RBFOX1: variants seen among roughly 807,000 people sequenced by gnomAD.
RBFOX1 encodes RNA binding fox-1 homolog 1, also known as RNA binding protein fox-1 homolog 1.
RBFOX1 carries 8 observed loss-of-function variants against 57.7 expected under a neutral mutation model. That is an observed-to-expected ratio of 0.14 (90% confidence interval 0.08 to 0.25). The LOEUF is 0.25. Ranked by LOEUF, RBFOX1 falls within the 10% of genes least tolerant of loss-of-function variation. RBFOX1 has a pLI of 1.00. For missense variants in RBFOX1, 611 were observed against 548.5 expected (o/e 1.11, Z -1.14); for synonymous variants, 326 against 222.4 (o/e 1.47, Z -4.15).
intron 4 of RBFOX1, among the ~76,000 whole-genome samples, chr16:7,323,451 A>G (rs1342159356): frequency 6.6e-6 from 1 of 152,196 alleles, no homozygotes; most frequent in Non-Finnish European, 1.5e-5. Flanking sequence ...ATTTTCTAAA[A>G]ACCCAGGCCA....
intron 4 of RBFOX1, among the ~76,000 whole-genome samples, chr16:7,241,009 A>G (rs970407779): frequency 1.3e-5 from 2 of 152,206 alleles, no homozygotes; most frequent in Non-Finnish European, 2.9e-5. Flanking sequence ...ATATACAACA[A>G]TATCTGTTCT....
intron 1 of RBFOX1, among the ~76,000 whole-genome samples, chr16:6,149,811 G>A (rs1192857440): frequency 5.3e-5 from 8 of 152,204 alleles, no homozygotes; most frequent in Non-Finnish European, 1.2e-4. Flanking sequence ...CTTATTTGGA[G>A]AACGTTTATG....
At chr16:6,836,083 G>T (rs912120906) in intron 3 of RBFOX1, among the ~76,000 whole-genome samples, 1 of 152,160 alleles carries the variant, frequency 6.6e-6, no homozygotes, top group Admixed American at 6.5e-5. Flanking sequence ...GCTACAAAAC[G>T]CCTGCTATAG....
intron 4 of RBFOX1, among the ~76,000 whole-genome samples, chr16:7,487,325 C>T (rs1021527361): frequency 6.6e-5 from 10 of 152,162 alleles, no homozygotes; most frequent in Non-Finnish European, 1.2e-4. Flanking sequence ...TCTTGCTCCA[C>T]GCCCTCATAC....
At chr16:6,366,746 G>A (rs773726554) in intron 2 of RBFOX1, among the ~76,000 whole-genome samples, 1 of 152,218 alleles carries the variant, frequency 6.6e-6, no homozygotes, top group Non-Finnish European at 1.5e-5. Context: ...GTCACAGTAA[G>A]CTGAAATGAC....
intron 4 of RBFOX1, among the ~76,000 whole-genome samples, chr16:7,417,250 G>T (rs1304269385): frequency 6.6e-6 from 1 of 151,666 alleles, no homozygotes; most frequent in African/African-American, 2.4e-5. Flanking sequence ...GTGTGTGCCT[G>T]TAACCACAGC....
intron 1 of RBFOX1, among the ~76,000 whole-genome samples, chr16:5,294,851 G>C: frequency 6.6e-6 from 1 of 151,164 alleles, no homozygotes. Flanking sequence ...GCCAACATGA[G>C]AAAACCCCAT....
intron 3 of RBFOX1, among the ~76,000 whole-genome samples, chr16:5,807,551 C>A (rs1474498819): frequency 6.6e-6 from 1 of 152,156 alleles, no homozygotes; most frequent in Non-Finnish European, 1.5e-5. Context: ...TAATAGGGCT[C>A]ATTATAGCCT....
At chr16:6,531,181 CG>C (rs914985908) in intron 2 of RBFOX1, among the ~76,000 whole-genome samples, 9 of 152,176 alleles carry the variant, frequency 5.9e-5, no homozygotes, top group African/African-American at 2.2e-4. Context: ...ACTCTGCCCC[CG>C]GTTTTTCCCA....
chr16:5,941,676 C>G (rs1220454811), intron 4 of RBFOX1, among the ~76,000 whole-genome samples: 6 of 152,014 alleles, frequency 3.9e-5, no homozygotes, highest in Non-Finnish European at 8.8e-5. Context: ...GGGCATCCCA[C>G]TTAGTCATTT....
chr16:5,628,147 T>A (rs1428863477), intron 3 of RBFOX1, among the ~76,000 whole-genome samples: 1 of 152,096 alleles, frequency 6.6e-6, no homozygotes, highest in East Asian at 1.9e-4. Flanking sequence ...TGGCTCACAG[T>A]TTAGTGTCTG....
chr16:6,294,283 T>C (rs546467939), intron 1 of RBFOX1, among the ~76,000 whole-genome samples: 11 of 152,324 alleles, frequency 7.2e-5, no homozygotes, highest in Non-Finnish European at 1.5e-4. Flanking sequence ...CACAGACTCT[T>C]CCTGAAGGAA....
At chr16:6,278,377 CAAAAAAAAAAAAAAA>C (rs57523660) in intron 1 of RBFOX1, among the ~76,000 whole-genome samples, 415 of 28,044 alleles carry the variant, frequency 0.015, 8 homozygotes, top group African/African-American at 0.044. Flanking sequence ...TAGGACTCAC[CAAAAAAAAAAAAAAA>C]AAAAAAAAAA....
chr16:5,486,424 T>C (rs2042630003), intron 2 of RBFOX1, among the ~76,000 whole-genome samples: 1 of 152,170 alleles, frequency 6.6e-6, no homozygotes, highest in Admixed American at 6.5e-5. Flanking sequence ...CCAGCAGACA[T>C]CAGTATTCAA....
At chr16:5,584,823 C>T (rs956598691) in intron 2 of RBFOX1, among the ~76,000 whole-genome samples, 1 of 152,014 alleles carries the variant, frequency 6.6e-6, no homozygotes, top group East Asian at 1.9e-4. Flanking sequence ...TGATACAGAC[C>T]CTATTAATTT....
In RBFOX1 at chr16:7,653,880, C is replaced by T. The variant is rs768320837; in HGVS notation, c.823C>T (p.Arg275Cys). Residue 275 changes from arginine (R) to cysteine (C), a missense_variant, in exon 12 of 16, where the codon CGC (arginine) becomes TGC (cysteine). Transcript: ENST00000550418. ...CTACCGAGGGGCGCACCTGCGAGGC[C>T]GCGGTCGCACCGTGTACAACACCTT... ...AAYRGAHLRG[R>C]GRTVYNTFRA... 4 of 1,602,242 alleles carry T rather than the reference C, an allele frequency of 2.5e-6. No homozygotes were observed. The highest frequency in any genetic ancestry group is 3.4e-6 in the Non-Finnish European group (4 of 1,178,908).
chr16:6,671,545 T>A (rs2098764993), intron 3 of RBFOX1, among the ~76,000 whole-genome samples: 1 of 152,272 alleles, frequency 6.6e-6, no homozygotes, highest in South Asian at 2.1e-4. Context: ...TTTGGGCAAG[T>A]TCCTTAGTCT....
intron 4 of RBFOX1, among the ~76,000 whole-genome samples, chr16:7,298,743 G>C (rs1172774442): frequency 6.6e-6 from 1 of 152,186 alleles, no homozygotes; most frequent in East Asian, 1.9e-4. Context: ...AAAATATTAA[G>C]AAAATCATAA....
intron 1 of RBFOX1, among the ~76,000 whole-genome samples, chr16:6,279,490 G>C (rs2076163792): frequency 6.6e-6 from 1 of 152,080 alleles, no homozygotes; most frequent in South Asian, 2.1e-4. Context: ...ATACTGCAGG[G>C]GATAAAGATT....
Sources: gnomAD v4.1 joint callset for allele counts (sites outside exome capture counted in the v4.1 genomes callset) on GRCh38, gnomAD v4.1.1 for gene constraint, MANE v1.5 for transcripts, NCBI Gene and HGNC (gene_info 2026-07-23, HGNC 2026-07-21) for gene names.